SNX13: variants seen among roughly 807,000 people sequenced by gnomAD.
The protein encoded by SNX13 is sorting nexin-13.
A neutral mutation model predicts 133.6 loss-of-function variants in SNX13; 45 were observed. The ratio of observed to expected loss-of-function variants is 0.34; its 90% CI spans 0.27 to 0.43. The LOEUF (loss-of-function observed/expected upper bound fraction) is 0.43, where lower values mean the gene tolerates loss of function less well. Ranked by LOEUF, SNX13 falls within the 20% of genes least tolerant of loss-of-function variation. The probability of loss-of-function intolerance (pLI) is 1.00; values close to 1 mark genes in which losing one functional copy is unlikely to be tolerated. For missense variants in SNX13, 1,032 were observed against 1,145.1 expected, an observed-to-expected ratio of 0.90 and a Z score of 1.43; for synonymous variants, 414 against 373.9, an observed-to-expected ratio of 1.11 and a Z score of -1.24.
chr7:17,866,404 C>A (rs56834348), intron 9 of SNX13, among the ~76,000 whole-genome samples: 11,947 of 152,018 alleles, frequency 0.079, 501 homozygotes, highest in South Asian at 0.15. Flanking sequence ...CTTAACAGCA[C>A]TTATCATCAT....
Position 17,801,011 on chromosome 7 carries a change from TA to T in SNX13, c.2298+576del, listed in dbSNP as rs1784554401. 7.4e-3 allele frequency among the ~76,000 whole-genome samples: 98 copies of T among 13,270 alleles called. 4 individuals are homozygous for T. Among genetic ancestry groups the T allele is most frequent in the African/African-American group, 9.4e-3 (86 of 9,118 alleles). The allele number at this position is 13,270 out of a possible 152,430, so 8.7% of individuals were successfully genotyped here. A position where few individuals can be genotyped will look rare whatever the true frequency, so the allele number is the denominator to read the frequency against. On this transcript the variant is annotated intron_variant, in intron 22 of 25. Coordinates refer to ENST00000428135, the MANE Select transcript of SNX13 (RefSeq NM_015132.5). ...TGGCAGTATCTACTAAAACTGAACA[TA>T]TATATATATATATATATATATATAT...
rs1802660103 is a variant in SNX13 at position 17,940,158 on chromosome 7, T to A, written c.12+126A>T. 6 of 1,277,824 alleles carry A rather than the reference T, an allele frequency of 4.7e-6. No individual in the cohort carries two copies. In the South Asian group the frequency reaches 7.7e-5, roughly 16 times the overall value. 79.2% of individuals were successfully genotyped at this position (1,277,824 alleles called of 1,614,324 possible). On this transcript the variant is annotated intron_variant, in intron 1 of 25. Transcript: ENST00000428135. ...AGGGCACTTGTAGGATCCCCGCTGC[T>A]CCTCGGGCCCTGGAGCCCACGGCGA...
intron 20 of SNX13, among the ~76,000 whole-genome samples, chr7:17,806,324 T>A (rs2691588): frequency 0.29 from 44,311 of 152,046 alleles, 7,019 homozygotes; most frequent in East Asian, 0.62. Context: ...GGATACATTG[T>A]GTGACCAAAT....
intron 18 of SNX13, among the ~76,000 whole-genome samples, chr7:17,818,124 C>CT (rs1786877361): frequency 6.6e-6 from 1 of 152,154 alleles, no homozygotes; most frequent in Admixed American, 6.5e-5. Context: ...ACCCTACCAT[C>CT]TACAAGCCAA....
At chr7:17,905,327 G>A (rs1057486596) in intron 1 of SNX13, among the ~76,000 whole-genome samples, 7 of 152,108 alleles carry the variant, frequency 4.6e-5, no homozygotes, top group Admixed American at 6.6e-5. Flanking sequence ...AGGCCTTAAC[G>A]ATACAAAGAT....
At chr7:17,919,837 A>C (rs985757329) in intron 1 of SNX13, among the ~76,000 whole-genome samples, 1 of 152,174 alleles carries the variant, frequency 6.6e-6, no homozygotes. Context: ...AGCTACTAAA[A>C]GTTTACTTTT....
At chr7:17,844,775 A>C (rs1381208235) in intron 12 of SNX13, among the ~76,000 whole-genome samples, 1 of 151,992 alleles carries the variant, frequency 6.6e-6, no homozygotes, top group African/African-American at 2.4e-5. Context: ...CTAATACAGC[A>C]CAACAGAATG....
In SNX13 at chr7:17,803,787, T is replaced by A. The variant is rs189165693; in HGVS notation, c.2065-207A>T. On this transcript the variant is annotated intron_variant, in intron 20 of 25. Coordinates refer to ENST00000428135, the MANE Select transcript of SNX13 (RefSeq NM_015132.5). Reference sequence around the variant, plus strand: ...TCAGCTGGGCACAGTAGCTCATGCCTATAATTGCAGCACTTCGGCAGGCTG... The same window carrying A: ...TCAGCTGGGCACAGTAGCTCATGCCAATAATTGCAGCACTTCGGCAGGCTG... Among the ~76,000 whole-genome samples the A allele has an allele frequency of 2.8e-3, 427 of 151,168 alleles. 13 individuals carry two copies. The highest frequency in any genetic ancestry group is 0.026 in the Admixed American group (387 of 15,126).
chr7:17,909,204 C>A (rs1250570505), intron 1 of SNX13, among the ~76,000 whole-genome samples: 2 of 152,056 alleles, frequency 1.3e-5, no homozygotes, highest in East Asian at 3.9e-4. Context: ...CAAGAAACAA[C>A]AGATGCTAAT....
chr7:17,796,603 T>G, intron 25 of SNX13: 1 of 438,882 alleles, frequency 2.3e-6, no homozygotes, highest in Non-Finnish European at 4.1e-6. Context: ...GAGCTTCCGT[T>G]TCCTCACATA....
intron 11 of SNX13, among the ~76,000 whole-genome samples, chr7:17,847,566 A>G (rs28663676): frequency 0.041 from 6,265 of 152,306 alleles, 418 homozygotes; most frequent in African/African-American, 0.14. Context: ...ACTCACAAAT[A>G]AATTTTCAAA....
intron 13 of SNX13, among the ~76,000 whole-genome samples, chr7:17,838,903 T>C (rs939424485): frequency 6.6e-6 from 1 of 151,452 alleles, no homozygotes; most frequent in African/African-American, 2.4e-5. Flanking sequence ...ATAATGTGTA[T>C]TTTGCTTTCA....
rs1411590244 is a variant in SNX13, at chr7:17,791,031, T to G, written c.*3014A>C. ...AGGAGCCATGCTCCTAAAAGCAAAA[T>G]TTACTACTAATAAAAGAATTTTCCA... On this transcript the variant is annotated 3_prime_UTR_variant, in exon 26 of 26. Transcript: ENST00000428135. 2 of 151,968 alleles carry G rather than the reference T, an allele frequency of 1.3e-5. No individual in the cohort carries two copies. The highest frequency in any genetic ancestry group is 6.6e-5 in the Admixed American group (1 of 15,264). The allele number at this position is 151,968 out of a possible 1,614,324, so 9.4% of individuals were successfully genotyped here. A position where few individuals can be genotyped will look rare whatever the true frequency, so the allele number is the denominator to read the frequency against.
chr7:17,891,594 A>T lies in SNX13; in HGVS notation c.270T>A (p.Ile90=), dbSNP rs1796632138. 1 of 1,612,482 alleles carries T rather than the reference A, an allele frequency of 6.2e-7. No homozygotes were observed. The highest frequency in any genetic ancestry group is 1.3e-5 in the African/African-American group (1 of 74,872). Residue 90 remains isoleucine (I), a synonymous_variant, in exon 4 of 26, where the codon ATT becomes ATA. Transcript: ENST00000428135. ...TATTGGCACCCGTCAATCTTCTATC[A>T]ATCTTAATAGTCCTGGCTTCCCGTT... is the stretch of plus-strand genomic sequence containing the variant. The part of the protein sequence containing the change: ...EMKREARTIK[I]DRRLTGANII...
intron 3 of SNX13, among the ~76,000 whole-genome samples, chr7:17,892,813 T>C (rs1414600495): frequency 6.6e-6 from 1 of 152,126 alleles, no homozygotes; most frequent in African/African-American, 2.4e-5. Context: ...ATCTGAAACT[T>C]ACACAATTCC....
chr7:17,885,937 A>G (rs1795937683), intron 5 of SNX13, among the ~76,000 whole-genome samples: 1 of 151,962 alleles, frequency 6.6e-6, no homozygotes, highest in African/African-American at 2.4e-5. Flanking sequence ...AATAAATATA[A>G]TAACTGTCTT....
intron 5 of SNX13, among the ~76,000 whole-genome samples, chr7:17,883,988 G>C (rs1795675328): frequency 6.6e-6 from 1 of 152,154 alleles, no homozygotes; most frequent in Admixed American, 6.5e-5. Flanking sequence ...TACAATGGCA[G>C]AATTTACTAG....
chr7:17,832,211 A>C, intron 15 of SNX13: 1 of 984,570 alleles, frequency 1.0e-6, no homozygotes, highest in Non-Finnish European at 1.2e-6. Flanking sequence ...TGTTTTAAAA[A>C]AGTACAGTGT....
intron 20 of SNX13, among the ~76,000 whole-genome samples, chr7:17,812,964 C>T (rs940173957): frequency 2.0e-5 from 3 of 151,976 alleles, no homozygotes; most frequent in African/African-American, 7.2e-5. Context: ...CCGGGCCTGT[C>T]AGGGGGTTGA....
Sources: allele counts gnomAD v4.1 joint callset (sites outside exome capture counted in the v4.1 genomes callset), GRCh38; gene constraint gnomAD v4.1.1; transcripts MANE v1.5; gene names NCBI Gene and HGNC (gene_info 2026-07-23, HGNC 2026-07-21).